The following IMMT variants were observed in gnomAD, a reference collection of about 807,000 sequenced individuals.
The protein encoded by IMMT is MICOS complex subunit MIC60.
IMMT carries 40 observed loss-of-function variants against 92.7 expected under a neutral mutation model. The observed-to-expected ratio is 0.43, with a 90% CI of 0.34 to 0.56. IMMT has a LOEUF of 0.56. Ranked by LOEUF, IMMT falls within the 20% of genes least tolerant of loss-of-function variation. IMMT has a pLI of 0.03. For synonymous variants in IMMT, 322 were observed against 336.1 expected (o/e 0.96, Z 0.46); for missense variants, 831 against 912.1 (o/e 0.91, Z 1.14).
At chr2:86,160,244 T>C (rs541816615) in intron 8 of IMMT, among the ~76,000 whole-genome samples, 4 of 152,330 alleles carry the variant, frequency 2.6e-5, no homozygotes, top group African/African-American at 9.6e-5. Flanking sequence ...TCTCATTTCC[T>C]ACATGCTTTC....
chr2:86,166,742 C>G (rs1465748788), intron 6 of IMMT, 98 bp from the exon 7 acceptor site: 6 of 1,187,524 alleles, frequency 5.1e-6, no homozygotes, highest in Non-Finnish European at 6.8e-6. Flanking sequence ...TTGCATTTCC[C>G]AAAAAATTTA....
Position 86,154,436 on chromosome 2 carries a change from G to A in IMMT, c.1163-862C>T, listed in dbSNP as rs543695345. Among the ~76,000 whole-genome samples, 6 of 152,292 alleles carry A rather than the reference G, an allele frequency of 3.9e-5. No homozygotes were observed. The South Asian group carries it at 1.2e-3, about 32-fold the overall frequency. ...TCTGCCTGCCTCGGCCTCCCAAAGT[G>A]CTGGGATTACAGGCGTGAGCCACCA... On this transcript the variant is annotated intron_variant, in intron 10 of 14. Transcript: ENST00000410111.
rs570939564 is a variant in IMMT, at chr2:86,151,466, C to T, written c.1232G>A (p.Arg411His). Residue 411 changes from arginine to histidine, a missense_variant, in exon 12 of 15, where the codon CGT becomes CAT. Arg to His is a conservative substitution (Grantham distance 29). Transcript: ENST00000410111. Reference protein sequence around the residue: ...LNSLIAHAHRRIDQLNRELAE... With the variant: ...LNSLIAHAHRHIDQLNRELAE... The stretch of plus-strand genomic sequence containing the variant: ...CAGCTCTCTGTTCAGCTGATCAATA[C>T]GACGATGTGCATGAGCAATGAGGGA... 3.7e-6 allele frequency: 6 copies of T among 1,613,956 alleles called. No individual in the cohort carries two copies. Among genetic ancestry groups the T allele is most frequent in the Admixed American group, 1.7e-5 (1 of 60,004 alleles).
At chr2:86,146,389 T>TC (rs1675015723) in intron 13 of IMMT, among the ~76,000 whole-genome samples, 192 bp from the exon 14 acceptor site, 1 of 151,720 alleles carries the variant, frequency 6.6e-6, no homozygotes, top group Admixed American at 6.6e-5. Context: ...TTTTTTTTTT[T>TC]GAGATGGAAT....
chr2:86,184,568 C>G (rs976430655), intron 1 of IMMT, among the ~76,000 whole-genome samples: 3 of 151,714 alleles, frequency 2.0e-5, no homozygotes, highest in Non-Finnish European at 4.4e-5. Flanking sequence ...TACAGATAAC[C>G]AAACATATGT....
At chr2:86,185,137 G>A (rs909585436) in intron 1 of IMMT, among the ~76,000 whole-genome samples, 4 of 151,560 alleles carry the variant, frequency 2.6e-5, no homozygotes, top group East Asian at 1.9e-4. Flanking sequence ...CCGAGATTGC[G>A]CCAGCCTGGG....
At chr2:86,164,052 A>ATTTTTTT (rs540613367) in intron 7 of IMMT, among the ~76,000 whole-genome samples, 2,021 of 63,016 alleles carry the variant, frequency 0.032, 161 homozygotes, top group African/African-American at 0.04. Flanking sequence ...CACTTTAGTC[A>ATTTTTTT]TTTTTTTTTT....
intron 14 of IMMT, among the ~76,000 whole-genome samples, chr2:86,145,100 A>G (rs1674898186): frequency 6.6e-6 from 1 of 152,002 alleles, no homozygotes; most frequent in Admixed American, 6.6e-5. Context: ...CATGATATCT[A>G]ATCCACATAT....
intron 9 of IMMT, among the ~76,000 whole-genome samples, chr2:86,158,933 CT>C (rs1418059687): frequency 2.0e-5 from 3 of 152,042 alleles, no homozygotes; most frequent in Admixed American, 2.0e-4. Context: ...ACTATGCCCC[CT>C]CCCTCCATAC....
chr2:86,161,883 C>T (rs917405813), intron 8 of IMMT, 93 bp downstream of exon 8: 14 of 774,644 alleles, frequency 1.8e-5, no homozygotes, highest in Non-Finnish European at 2.8e-5. Context: ...TCTCTACCTC[C>T]TCTTTATTCT....
intron 1 of IMMT, among the ~76,000 whole-genome samples, chr2:86,187,503 G>A (rs925091210): frequency 1.3e-5 from 2 of 152,174 alleles, no homozygotes; most frequent in African/African-American, 4.8e-5. Context: ...CCTTTTGGCT[G>A]TGAATTGTGA....
At chr2:86,189,771 C>A (rs1673003500) in intron 1 of IMMT, among the ~76,000 whole-genome samples, 1 of 152,118 alleles carries the variant, frequency 6.6e-6, no homozygotes, top group African/African-American at 2.4e-5. Flanking sequence ...GATTGATATA[C>A]AACAAATTAA....
intron 8 of IMMT, 64 bp from the exon 9 acceptor site, chr2:86,159,735 G>T: frequency 7.4e-7 from 1 of 1,358,140 alleles, no homozygotes; most frequent in Non-Finnish European, 1.0e-6. Context: ...AAGTTTTGAT[G>T]TCAGCACAGT....
At chr2:86,171,164 G>A (rs752516703) in intron 5 of IMMT, 44 bp downstream of exon 5, 1 of 1,502,920 alleles carries the variant, frequency 6.7e-7, no homozygotes, top group South Asian at 1.2e-5. Context: ...TAGTTCTGAT[G>A]AGTGTATCAT....
At position 86,147,680 on chromosome 2, in the gene IMMT, TGAAG is replaced by T. The variant is rs1558809484; in HGVS notation, c.1533+18_1533+21del. On this transcript the variant is annotated intron_variant, in intron 13 of 14. Transcript: ENST00000410111. ...ATCCTGTCAGGAAGAGGGGTGTGGC[TGAAG>T]GGAGTCCAGGTCCTCACCTGCTCAA... 1 of 1,608,056 alleles carries T rather than the reference TGAAG, an allele frequency of 6.2e-7. No individual in the cohort carries two copies. Among genetic ancestry groups the T allele is most frequent in the Non-Finnish European group, 8.5e-7 (1 of 1,177,170 alleles).
chr2:86,151,152 A>C, intron 12 of IMMT, 145 bp downstream of exon 12: 1 of 682,004 alleles, frequency 1.5e-6, no homozygotes, highest in Non-Finnish European at 2.6e-6. Flanking sequence ...TCCTGACCAC[A>C]AGGGATCCAC....
At chr2:86,160,265 C>G (rs1573899928) in intron 8 of IMMT, among the ~76,000 whole-genome samples, 1 of 152,188 alleles carries the variant, frequency 6.6e-6, no homozygotes, top group African/African-American at 2.4e-5. Context: ...GTGTAAGGAA[C>G]AGAAGTAATT....
chr2:86,144,637 A>G lies in IMMT; in HGVS notation c.1908T>C (p.Tyr636=), dbSNP rs569455426. 3 of 1,614,022 alleles carry G rather than the reference A, an allele frequency of 1.9e-6. No individual in the cohort carries two copies. The South Asian group carries it at 3.3e-5, about 18-fold the overall frequency. ...CCCTTCGGGCCAGTTTTTGAACAGC[A>G]TAGAAACGGGCTCTAAGGGTCTCTT... The part of the protein sequence containing the change: ...YSEETLRARF[Y]AVQKLARRVA... The change falls in exon 15 of 15, where the codon TAT becomes TAC. Residue 636 remains tyrosine, a synonymous_variant. Transcript: ENST00000410111.
At chr2:86,146,301 G>T in intron 13 of IMMT, 104 bp from the exon 14 acceptor site, 2 of 851,724 alleles carry the variant, frequency 2.3e-6, no homozygotes, top group Non-Finnish European at 3.4e-6. Context: ...GAGGGCCTTA[G>T]AGTTGTCACG....
Sources: gnomAD v4.1 joint callset for allele counts (sites outside exome capture counted in the v4.1 genomes callset) on GRCh38, gnomAD v4.1.1 for gene constraint, MANE v1.5 for transcripts, NCBI Gene and HGNC (gene_info 2026-07-23, HGNC 2026-07-21) for gene names.